Variants in FGD4 observed in about 807,000 individuals in gnomAD.
The protein encoded by FGD4 is FYVE, RhoGEF and PH domain containing 4.
In FGD4, 42 loss-of-function variants were observed where a neutral mutation model predicts 102.0. The ratio of observed to expected loss-of-function variants is 0.41; its 90% CI spans 0.32 to 0.53. The LOEUF is 0.53. FGD4 is among the 20% of genes least tolerant of loss of function. The pLI is 0.21. For synonymous variants in FGD4, 380 were observed against 375.7 expected, an observed-to-expected ratio of 1.01 and a Z score of -0.13; for missense variants, 902 against 1,078.2, an observed-to-expected ratio of 0.84 and a Z score of 2.29.
At position 32,541,465 on chromosome 12, in the gene FGD4, A is replaced by T. The variant is rs369357130; in HGVS notation, c.167-22672A>T. Among the ~76,000 whole-genome samples the T allele has an allele frequency of 2.2e-4, 34 of 152,258 alleles. 1 individual carries two copies. The South Asian group carries it at 6.6e-3, about 30-fold the overall frequency. On this transcript the variant is annotated intron_variant, in intron 1 of 16. Coordinates refer to ENST00000534526, the MANE Select transcript of FGD4 (RefSeq NM_001370298.3). ...CACTGCAACCTCTGCCTCCGGGTTC[A>T]AGCGGTTCTCCTTCCTCAGCCTCCT...
At chr12:32,607,906 A>C in intron 7 of FGD4, 51 bp from the exon 8 acceptor site, 2 of 1,608,730 alleles carry the variant, frequency 1.2e-6, no homozygotes, top group Non-Finnish European at 1.7e-6. Flanking sequence ...GAGTTTTTAG[A>C]CTTGCTAACC....
chr12:32,508,176 A>G (rs1592047706), intron 1 of FGD4, among the ~76,000 whole-genome samples: 1 of 152,224 alleles, frequency 6.6e-6, no homozygotes, highest in East Asian at 1.9e-4. Context: ...TGAGGATGCT[A>G]AAGCAAGGAG....
intron 1 of FGD4, among the ~76,000 whole-genome samples, chr12:32,555,904 A>AAT (rs1944070142): frequency 1.3e-5 from 2 of 151,962 alleles, no homozygotes; most frequent in South Asian, 4.1e-4. Flanking sequence ...CAGCTGGAGC[A>AAT]CAGTGGTGCA....
intron 14 of FGD4, among the ~76,000 whole-genome samples, chr12:32,631,866 T>G (rs1950521059): frequency 6.6e-6 from 1 of 152,184 alleles, no homozygotes; most frequent in Non-Finnish European, 1.5e-5. Context: ...ATTGAAATGA[T>G]TTTTGATATT....
chr12:32,457,663 G>GGT (rs1942982418), intron 1 of FGD4, among the ~76,000 whole-genome samples: 2 of 152,096 alleles, frequency 1.3e-5, no homozygotes, highest in Admixed American at 1.3e-4. Context: ...GCTTTCTGTG[G>GGT]GTGTGTGTAA....
intron 4 of FGD4, among the ~76,000 whole-genome samples, chr12:32,594,774 G>A (rs1947746835): frequency 6.6e-6 from 1 of 152,228 alleles, no homozygotes; most frequent in African/African-American, 2.4e-5. Context: ...GCTCATGCCT[G>A]TAATCCCAGC....
At chr12:32,482,484 GTTC>G (rs1280383277) in intron 1 of FGD4, among the ~76,000 whole-genome samples, 1 of 152,172 alleles carries the variant, frequency 6.6e-6, no homozygotes, top group African/African-American at 2.4e-5. Context: ...TTACACATAT[GTTC>G]TTCTCATTTG....
chr12:32,492,903 C>T (rs1250609085), intron 1 of FGD4, among the ~76,000 whole-genome samples: 3 of 152,112 alleles, frequency 2.0e-5, no homozygotes, highest in South Asian at 2.1e-4. Context: ...TGGTGCTGCC[C>T]GCACCTTGGA....
chr12:32,614,664 C>T (rs930381877), intron 10 of FGD4, among the ~76,000 whole-genome samples: 4 of 152,196 alleles, frequency 2.6e-5, no homozygotes, highest in Non-Finnish European at 5.9e-5. Context: ...ATTAAGCGTA[C>T]ACCTTACAGT....
intron 16 of FGD4, among the ~76,000 whole-genome samples, chr12:32,639,214 A>AGTGCAATG (rs1390588100): frequency 3.9e-5 from 6 of 152,216 alleles, no homozygotes; most frequent in Non-Finnish European, 8.8e-5. Flanking sequence ...CCCAGGCTAT[A>AGTGCAATG]GTGCAATGGT....
rs1281692170 is a variant in FGD4, at chr12:32,399,701, C to G, written c.-93C>G. 6.1e-6 allele frequency: 9 copies of G among 1,473,622 alleles called. No homozygotes were observed. The highest frequency in any genetic ancestry group is 7.1e-6 in the Non-Finnish European group (8 of 1,122,562). 91.3% of individuals were successfully genotyped at this position (1,473,622 alleles called of 1,614,324 possible). A position where few individuals can be genotyped will look rare whatever the true frequency, so the allele number is the denominator to read the frequency against. ...AGTAGAGGGCGCCCCCGGAGTCGCG[C>G]CGAACCTGGGCATGCAGGCGACGCC... On this transcript the variant is annotated 5_prime_UTR_variant, in exon 1 of 17. Coordinates refer to ENST00000534526, the MANE Select transcript of FGD4 (RefSeq NM_001370298.3).
At chr12:32,559,190 T>C (rs911711264) in intron 1 of FGD4, among the ~76,000 whole-genome samples, 1 of 152,180 alleles carries the variant, frequency 6.6e-6, no homozygotes, top group Non-Finnish European at 1.5e-5. Flanking sequence ...TTTCCAAATA[T>C]GAGTAGGCTA....
At chr12:32,611,747 A>G (rs752662797) in intron 10 of FGD4, among the ~76,000 whole-genome samples, 1 of 152,248 alleles carries the variant, frequency 6.6e-6, no homozygotes, top group Non-Finnish European at 1.5e-5. Flanking sequence ...TATTCTAAGT[A>G]ACGTATTTTT....
chr12:32,497,375 C>T (rs535046935), intron 1 of FGD4, among the ~76,000 whole-genome samples: 2 of 152,040 alleles, frequency 1.3e-5, no homozygotes, highest in Non-Finnish European at 2.9e-5. Flanking sequence ...TTATAAAAAC[C>T]CCATTAAATT....
Position 32,506,655 on chromosome 12 carries a change from C to G in FGD4, c.167-57482C>G, listed in dbSNP as rs191566820. Among the ~76,000 whole-genome samples the G allele has an allele frequency of 5.3e-5, 8 of 152,316 alleles. No homozygotes were observed. Among genetic ancestry groups the G allele is most frequent in the East Asian group, 3.9e-4 (2 of 5,182 alleles). On this transcript the variant is annotated intron_variant, in intron 1 of 16. Coordinates refer to ENST00000534526, the MANE Select transcript of FGD4 (RefSeq NM_001370298.3). The surrounding 1 kb of genome is among the most constrained non-coding windows in gnomAD (Gnocchi z 4.5). ...CTCCTTGCCCAGGACCACCCCACCCCCTAAGGAGACATTCACTGTCTTCAT... is the reference window on the plus strand; with the variant it reads ...CTCCTTGCCCAGGACCACCCCACCCGCTAAGGAGACATTCACTGTCTTCAT...
In FGD4 at chr12:32,644,880, T is replaced by C. The variant is rs966650800; in HGVS notation, c.*4347T>C. The C allele has an allele frequency of 2.2e-5, 3 of 136,642 alleles. No individual in the cohort carries two copies. The highest frequency in any genetic ancestry group is 6.0e-5 in the African/African-American group (2 of 33,604). 8.5% of individuals were successfully genotyped at this position (136,642 alleles called of 1,614,324 possible). ...TTCTCAGATCATTTTCTGTACTGTTTACTGAGGCAAAAAAAAAAAAAATCT... is the reference window on the plus strand; with the variant it reads ...TTCTCAGATCATTTTCTGTACTGTTCACTGAGGCAAAAAAAAAAAAAATCT... On this transcript the variant is annotated 3_prime_UTR_variant, in exon 17 of 17. Coordinates refer to ENST00000534526, the MANE Select transcript of FGD4 (RefSeq NM_001370298.3).
chr12:32,559,210 TAAAC>T (rs1944342501), intron 1 of FGD4, among the ~76,000 whole-genome samples: 1 of 152,178 alleles, frequency 6.6e-6, no homozygotes, highest in South Asian at 2.1e-4. Flanking sequence ...AAGTCAGTCA[TAAAC>T]AAACAAAAAG....
chr12:32,634,069 T>C, intron 15 of FGD4, among the ~76,000 whole-genome samples: 1 of 152,312 alleles, frequency 6.6e-6, no homozygotes, highest in South Asian at 2.1e-4. Flanking sequence ...TGTTTAACAA[T>C]TTGTATAATG....
chr12:32,467,684 T>A (rs1019045762), intron 1 of FGD4, among the ~76,000 whole-genome samples: 2 of 152,196 alleles, frequency 1.3e-5, no homozygotes, highest in Admixed American at 6.5e-5. Context: ...TGTATTTTTT[T>A]AATTGTTTTC....
Sources: allele counts gnomAD v4.1 joint callset (sites outside exome capture counted in the v4.1 genomes callset), GRCh38; gene constraint gnomAD v4.1.1; non-coding constraint Gnocchi (gnomAD v3.1); transcripts MANE v1.5; gene names NCBI Gene and HGNC (gene_info 2026-07-23, HGNC 2026-07-21).